Variants in STAU2 observed in about 807,000 individuals in gnomAD.
The protein encoded by STAU2 is double-stranded RNA-binding protein Staufen homolog 2.
A neutral mutation model predicts 65.9 loss-of-function variants in STAU2; 20 were observed. That is an observed-to-expected ratio of 0.30 (90% CI 0.21 to 0.44). The LOEUF (loss-of-function observed/expected upper bound fraction) is 0.44. STAU2 is among the 20% of genes least tolerant of loss of function. The probability of loss-of-function intolerance (pLI) is 1.00; values close to 1 mark genes in which losing one functional copy is unlikely to be tolerated. For synonymous variants in STAU2, 232 were observed against 233.9 expected (o/e 0.99, Z 0.07); for missense variants, 558 against 683.9 (o/e 0.82, Z 2.05).
chr8:73,547,459 C>T (rs925956627), intron 13 of STAU2, among the ~76,000 whole-genome samples: 2 of 151,932 alleles, frequency 1.3e-5, no homozygotes, highest in African/African-American at 4.8e-5. Flanking sequence ...TGGACTTTGG[C>T]CTGCATATCA....
At chr8:73,618,568 G>A (rs1813004281) in intron 6 of STAU2, among the ~76,000 whole-genome samples, 1 of 152,218 alleles carries the variant, frequency 6.6e-6, no homozygotes, top group Admixed American at 6.5e-5. Flanking sequence ...ACAAATTGCT[G>A]TAGGCATTTT....
At chr8:73,632,133 T>C (rs1275520704) in intron 6 of STAU2, among the ~76,000 whole-genome samples, 1 of 152,082 alleles carries the variant, frequency 6.6e-6, no homozygotes, top group African/African-American at 2.4e-5. Context: ...TTGTATTATA[T>C]TGCATTAGAA....
intron 13 of STAU2, among the ~76,000 whole-genome samples, chr8:73,528,401 A>G (rs1181397639): frequency 6.6e-6 from 1 of 152,210 alleles, no homozygotes; most frequent in Non-Finnish European, 1.5e-5. Context: ...AGTTAAATAC[A>G]ACTAACCATT....
chr8:73,573,355 T>C (rs1421786204), intron 12 of STAU2, among the ~76,000 whole-genome samples: 9 of 152,122 alleles, frequency 5.9e-5, no homozygotes, highest in African/African-American at 1.9e-4. Context: ...TCAATGCCAT[T>C]CCCATCAAGC....
intron 6 of STAU2, among the ~76,000 whole-genome samples, chr8:73,670,937 C>T (rs540495058): frequency 6.6e-6 from 1 of 151,862 alleles, no homozygotes; most frequent in Non-Finnish European, 1.5e-5. Flanking sequence ...CAATTAAAAG[C>T]CAAATTTTTT....
intron 9 of STAU2, 28 bp downstream of exon 9, chr8:73,613,716 T>C: frequency 6.5e-7 from 1 of 1,539,126 alleles, no homozygotes; most frequent in South Asian, 1.2e-5. Context: ...TTAGTAAAAC[T>C]GACTGATGTT....
chr8:73,597,268 T>TA (rs113258388), intron 10 of STAU2, among the ~76,000 whole-genome samples: 1 of 151,794 alleles, frequency 6.6e-6, no homozygotes, highest in Non-Finnish European at 1.5e-5. Flanking sequence ...TGGGTATTTT[T>TA]AAAAAAGAAA....
intron 13 of STAU2, among the ~76,000 whole-genome samples, chr8:73,494,286 T>C (rs1266636528): frequency 1.3e-5 from 2 of 151,672 alleles, no homozygotes; most frequent in Non-Finnish European, 3.0e-5. Flanking sequence ...TGAGATGGGT[T>C]AATAGAGACC....
chr8:73,640,285 A>G (rs999129964), intron 6 of STAU2, among the ~76,000 whole-genome samples: 1 of 152,106 alleles, frequency 6.6e-6, no homozygotes, highest in Non-Finnish European at 1.5e-5. Context: ...CCAGAAAAAA[A>G]AAGAGACTAG....
At chr8:73,509,802 G>T (rs1822285003) in intron 13 of STAU2, among the ~76,000 whole-genome samples, 1 of 151,910 alleles carries the variant, frequency 6.6e-6, no homozygotes. Context: ...TAAGATGAGA[G>T]ATTTCTTCAA....
chr8:73,599,119 T>G (rs1811434551), intron 10 of STAU2, among the ~76,000 whole-genome samples: 1 of 152,232 alleles, frequency 6.6e-6, no homozygotes, highest in African/African-American at 2.4e-5. Flanking sequence ...TATATCTTTT[T>G]ACAATACTTG....
At chr8:73,600,709 G>A (rs1811576495) in intron 10 of STAU2, among the ~76,000 whole-genome samples, 1 of 152,152 alleles carries the variant, frequency 6.6e-6, no homozygotes, top group Admixed American at 6.5e-5. Flanking sequence ...CTGTAATGCT[G>A]TTCCCATTCC....
At chr8:73,666,322 A>G (rs1174401798) in intron 6 of STAU2, among the ~76,000 whole-genome samples, 2 of 152,234 alleles carry the variant, frequency 1.3e-5, no homozygotes, top group East Asian at 3.8e-4. Context: ...AATCTTGGCT[A>G]TTATTAATTT....
At chr8:73,494,077 C>T (rs755162906) in intron 13 of STAU2, among the ~76,000 whole-genome samples, 10 of 151,594 alleles carry the variant, frequency 6.6e-5, no homozygotes, top group Admixed American at 4.0e-4. Flanking sequence ...GTGATGATAA[C>T]GTTTTATATC....
At chr8:73,471,484 G>A (rs1201671119) in intron 13 of STAU2, among the ~76,000 whole-genome samples, 5 of 147,788 alleles carry the variant, frequency 3.4e-5, no homozygotes, top group Admixed American at 6.8e-5. Context: ...TACTGTGCTC[G>A]GCCTCATATT....
intron 6 of STAU2, among the ~76,000 whole-genome samples, chr8:73,619,895 C>T (rs1813100606): frequency 6.6e-6 from 1 of 152,028 alleles, no homozygotes. Flanking sequence ...GTTTTAAATG[C>T]TTAACCTAAA....
At chr8:73,568,212 T>A (rs1808763566) in intron 12 of STAU2, among the ~76,000 whole-genome samples, 1 of 152,244 alleles carries the variant, frequency 6.6e-6, no homozygotes, top group Non-Finnish European at 1.5e-5. Flanking sequence ...GTACTCCATG[T>A]AGTACGTGCA....
At chr8:73,632,292 T>C (rs749378628) in intron 6 of STAU2, among the ~76,000 whole-genome samples, 29 of 152,008 alleles carry the variant, frequency 1.9e-4, no homozygotes, top group Non-Finnish European at 3.5e-4. Flanking sequence ...GCTGCCTTTA[T>C]TGATTTGGAG....
intron 6 of STAU2, among the ~76,000 whole-genome samples, chr8:73,636,797 A>G (rs1814549758): frequency 6.6e-6 from 1 of 150,868 alleles, no homozygotes; most frequent in Non-Finnish European, 1.5e-5. Context: ...TGGGAGGCAG[A>G]GGTTACAGTG....
Sources: allele counts gnomAD v4.1 joint callset (sites outside exome capture counted in the v4.1 genomes callset), GRCh38; gene constraint gnomAD v4.1.1; transcripts MANE v1.5; gene names NCBI Gene and HGNC (gene_info 2026-07-23, HGNC 2026-07-21).